BMP6: variants seen among roughly 807,000 people sequenced by gnomAD.
BMP6 encodes the protein VG-1-R.
A neutral mutation model predicts 54.1 loss-of-function variants in BMP6; 17 were observed. That is an observed-to-expected ratio of 0.31 (90% CI 0.22 to 0.47). The LOEUF is 0.47. Among genes scored for constraint, BMP6 ranks in the 20% least tolerant of loss-of-function variants. The pLI, the probability that BMP6 is intolerant of heterozygous loss-of-function variation, is 1.00. For synonymous variants in BMP6, 328 were observed against 291.2 expected, an observed-to-expected ratio of 1.13 and a Z score of -1.28; for missense variants, 720 against 690.4, an observed-to-expected ratio of 1.04 and a Z score of -0.48.
chr6:7,878,516 G>A (rs1315673637), intron 4 of BMP6, among the ~76,000 whole-genome samples: 1 of 152,230 alleles, frequency 6.6e-6, no homozygotes, highest in African/African-American at 2.4e-5. Context: ...GCAGTGAGGT[G>A]GGAGTACAGC....
intron 1 of BMP6, among the ~76,000 whole-genome samples, chr6:7,768,825 AAC>A (rs1489226218): frequency 6.6e-6 from 1 of 152,108 alleles, no homozygotes; most frequent in Non-Finnish European, 1.5e-5. Flanking sequence ...GAATTCCCCT[AAC>A]ACTTTGTGGC....
chr6:7,876,152 A>G (rs1759612072), intron 4 of BMP6, among the ~76,000 whole-genome samples: 1 of 152,074 alleles, frequency 6.6e-6, no homozygotes, highest in Non-Finnish European at 1.5e-5. Flanking sequence ...AATATCCACT[A>G]CAGCTGGGTA....
intron 2 of BMP6, among the ~76,000 whole-genome samples, chr6:7,853,659 T>C (rs1759179358): frequency 6.6e-6 from 1 of 152,196 alleles, no homozygotes; most frequent in Non-Finnish European, 1.5e-5. Flanking sequence ...CACACCTTTT[T>C]CTCTTTCTGT....
chr6:7,847,654 A>C (rs1759086811), intron 2 of BMP6, among the ~76,000 whole-genome samples: 1 of 152,168 alleles, frequency 6.6e-6, no homozygotes, highest in Non-Finnish European at 1.5e-5. Context: ...TTAAATGCTG[A>C]GTCACACACT....
At chr6:7,872,102 C>A (rs1759536501) in intron 4 of BMP6, among the ~76,000 whole-genome samples, 1 of 152,140 alleles carries the variant, frequency 6.6e-6, no homozygotes, top group Non-Finnish European at 1.5e-5. Flanking sequence ...CTGCCCTGCC[C>A]TTGACTGGTG....
chr6:7,774,371 G>A (rs1040740707), intron 1 of BMP6, among the ~76,000 whole-genome samples: 14 of 152,188 alleles, frequency 9.2e-5, no homozygotes, highest in Non-Finnish European at 1.9e-4. Flanking sequence ...CCAACATGTC[G>A]AAGCCCCGTC....
chr6:7,789,775 A>T (rs1424587272), intron 1 of BMP6, among the ~76,000 whole-genome samples: 1 of 151,222 alleles, frequency 6.6e-6, no homozygotes, highest in Non-Finnish European at 1.5e-5. Context: ...AAAATGAATG[A>T]CCCTCCTATC....
At chr6:7,796,678 TATAAA>T (rs1201204294) in intron 1 of BMP6, among the ~76,000 whole-genome samples, 3 of 152,208 alleles carry the variant, frequency 2.0e-5, no homozygotes, top group Non-Finnish European at 2.9e-5. Flanking sequence ...AAGCGATACT[TATAAA>T]ATAAATGTTT....
At chr6:7,836,200 A>ATT (rs34027007) in intron 1 of BMP6, among the ~76,000 whole-genome samples, 39 of 148,952 alleles carry the variant, frequency 2.6e-4, no homozygotes, top group South Asian at 8.5e-4. Context: ...TTTTAACATG[A>ATT]TTTTTTTTTT....
At chr6:7,819,132 G>A (rs1758570926) in intron 1 of BMP6, among the ~76,000 whole-genome samples, 1 of 152,202 alleles carries the variant, frequency 6.6e-6, no homozygotes, top group Admixed American at 6.5e-5. Flanking sequence ...GAGTACATAT[G>A]TGAGTGTGTG....
intron 1 of BMP6, among the ~76,000 whole-genome samples, chr6:7,764,871 A>AG (rs1273934370): frequency 6.6e-6 from 1 of 152,142 alleles, no homozygotes; most frequent in Non-Finnish European, 1.5e-5. Flanking sequence ...AGTGAGGTCG[A>AG]GGAGGGATTT....
intron 4 of BMP6, among the ~76,000 whole-genome samples, chr6:7,878,215 T>C (rs926620205): frequency 1.3e-5 from 2 of 152,196 alleles, no homozygotes; most frequent in African/African-American, 4.8e-5. Flanking sequence ...ATTGGAGTTA[T>C]TTGTGTGTCT....
chr6:7,761,491 A>G (rs1266954683), intron 1 of BMP6, among the ~76,000 whole-genome samples: 3 of 152,360 alleles, frequency 2.0e-5, no homozygotes, highest in East Asian at 3.9e-4. Context: ...ATCAATTAAT[A>G]GCATAGAGAA....
intron 1 of BMP6, among the ~76,000 whole-genome samples, chr6:7,729,369 G>A (rs547777992): frequency 3.2e-4 from 47 of 146,656 alleles, no homozygotes; most frequent in African/African-American, 1.1e-3. Flanking sequence ...CTGGGGAAAT[G>A]TTTTATTGCC....
At chr6:7,791,389 G>A (rs1167866907) in intron 1 of BMP6, among the ~76,000 whole-genome samples, 1 of 152,102 alleles carries the variant, frequency 6.6e-6, no homozygotes, top group Admixed American at 6.6e-5. Context: ...TTCCTGTGGG[G>A]AGCAGCATCT....
At chr6:7,745,680 T>A (rs1167291646) in intron 1 of BMP6, among the ~76,000 whole-genome samples, 1 of 152,082 alleles carries the variant, frequency 6.6e-6, no homozygotes, top group Non-Finnish European at 1.5e-5. Context: ...TGGTGAGTAC[T>A]GGCTGCAGTA....
At chr6:7,760,747 C>T (rs367756093) in intron 1 of BMP6, among the ~76,000 whole-genome samples, 3 of 152,276 alleles carry the variant, frequency 2.0e-5, no homozygotes, top group Non-Finnish European at 2.9e-5. Context: ...GGATTACAGG[C>T]GTGAGCCACC....
chr6:7,763,512 C>G (rs533553133), intron 1 of BMP6, among the ~76,000 whole-genome samples: 35 of 152,306 alleles, frequency 2.3e-4, no homozygotes, highest in African/African-American at 8.2e-4. Flanking sequence ...TTTTAAAACA[C>G]CCATTAAAAA....
intron 1 of BMP6, among the ~76,000 whole-genome samples, chr6:7,756,891 A>G (rs963119876): frequency 4.6e-5 from 7 of 151,992 alleles, no homozygotes; most frequent in African/African-American, 1.7e-4. Flanking sequence ...TAAACTGGTA[A>G]TTTTTTTTCC....
Sources: gnomAD v4.1 joint callset for allele counts (sites outside exome capture counted in the v4.1 genomes callset) on GRCh38, gnomAD v4.1.1 for gene constraint, MANE v1.5 for transcripts, NCBI Gene and HGNC (gene_info 2026-07-23, HGNC 2026-07-21) for gene names.